Variants in DGKB observed in about 807,000 individuals in gnomAD.
DGKB encodes the protein diacylglycerol kinase beta, also known as 90 kDa diacylglycerol kinase.
In DGKB, 67 loss-of-function variants were observed where a neutral mutation model predicts 114.3. The observed-to-expected ratio is 0.59, with a 90% CI of 0.48 to 0.72. The LOEUF is 0.72. Ranked by LOEUF, DGKB falls within the 30% of genes least tolerant of loss-of-function variation. The pLI is 0.00. For missense variants in DGKB, 907 were observed against 975.2 expected (o/e 0.93, Z 0.93); for synonymous variants, 398 against 323.1 (o/e 1.23, Z -2.49).
intron 2 of DGKB, among the ~76,000 whole-genome samples, chr7:14,778,301 C>A (rs1199091065): frequency 6.6e-6 from 1 of 152,142 alleles, no homozygotes; most frequent in Non-Finnish European, 1.5e-5. Context: ...CTAAAACATT[C>A]CCTGTATGCT....
chr7:14,902,148 C>T (rs1351346538), intron 1 of DGKB, among the ~76,000 whole-genome samples: 6 of 152,110 alleles, frequency 3.9e-5, no homozygotes, highest in Non-Finnish European at 8.8e-5. Flanking sequence ...CTTTTGTTTG[C>T]TTGCTTGCTT....
chr7:14,419,367 A>G (rs930619055), intron 21 of DGKB, among the ~76,000 whole-genome samples: 14 of 151,988 alleles, frequency 9.2e-5, no homozygotes, highest in African/African-American at 3.1e-4. Flanking sequence ...GATACTTCTG[A>G]ATATTTCTTT....
chr7:14,710,224 T>G (rs1363396990), intron 6 of DGKB, among the ~76,000 whole-genome samples: 1 of 152,118 alleles, frequency 6.6e-6, no homozygotes, highest in Non-Finnish European at 1.5e-5. Context: ...TATAGAGACC[T>G]TTCAAATAGT....
chr7:14,511,432 C>A (rs955424279), intron 20 of DGKB, among the ~76,000 whole-genome samples: 5 of 152,160 alleles, frequency 3.3e-5, no homozygotes, highest in African/African-American at 1.2e-4. Flanking sequence ...CTGCAGCTTC[C>A]TCACCTCTCT....
intron 23 of DGKB, among the ~76,000 whole-genome samples, chr7:14,258,609 G>C (rs1266573233): frequency 6.6e-6 from 1 of 152,116 alleles, no homozygotes; most frequent in Non-Finnish European, 1.5e-5. Flanking sequence ...GAAAGGAATG[G>C]GAGGGAACAA....
intron 5 of DGKB, among the ~76,000 whole-genome samples, chr7:14,723,199 C>A (rs78387856): frequency 0.024 from 3,717 of 152,098 alleles, 171 homozygotes; most frequent in African/African-American, 0.084. Context: ...AAGTTGCAAG[C>A]CTGACTTCTT....
chr7:14,737,578 A>G (rs1831921803), intron 4 of DGKB, among the ~76,000 whole-genome samples: 3 of 152,116 alleles, frequency 2.0e-5, no homozygotes, highest in African/African-American at 4.8e-5. Flanking sequence ...AATTAAGTTT[A>G]CATACGATGT....
chr7:14,744,194 C>T (rs1443232596), intron 4 of DGKB, among the ~76,000 whole-genome samples: 1 of 152,100 alleles, frequency 6.6e-6, no homozygotes, highest in Non-Finnish European at 1.5e-5. Context: ...TTTCTCTTTG[C>T]CTGGTTCTTC....
chr7:14,607,723 A>C (rs1804778684), intron 16 of DGKB, among the ~76,000 whole-genome samples: 1 of 152,030 alleles, frequency 6.6e-6, no homozygotes, highest in South Asian at 2.1e-4. Flanking sequence ...GCCACTATTA[A>C]GGCAATATAG....
chr7:14,209,430 A>C (rs1446217149), intron 23 of DGKB: 8 of 471,040 alleles, frequency 1.7e-5, no homozygotes, highest in African/African-American at 1.6e-4. Context: ...TCTCCACTTC[A>C]GTAGGACAGC....
chr7:14,928,015 T>C (rs933111601), intron 1 of DGKB, among the ~76,000 whole-genome samples: 7 of 151,900 alleles, frequency 4.6e-5, no homozygotes, highest in Non-Finnish European at 7.4e-5. Context: ...TAGTGCTACA[T>C]CTAGATGACA....
rs144301017 is a variant in DGKB, at chr7:14,964,374, C to A, written c.-188+10322G>T. Among the ~76,000 whole-genome samples the A allele has an allele frequency of 4.3e-3, 660 of 152,160 alleles. 7 individuals carry two copies. Among genetic ancestry groups the A allele is most frequent in the African/African-American group, 0.015 (612 of 41,544 alleles). On this transcript the variant is annotated intron_variant, in intron 1 of 4. Transcript: ENST00000437998. Reference sequence around the variant, plus strand: ...ATAAAAATTAGCTGGGTAGATTGCACCTGTGGTCCCAGCTACTTGGGAGGC... The same window carrying A: ...ATAAAAATTAGCTGGGTAGATTGCAACTGTGGTCCCAGCTACTTGGGAGGC...
At chr7:14,814,855 T>C (rs756656866) in intron 2 of DGKB, among the ~76,000 whole-genome samples, 13 of 152,214 alleles carry the variant, frequency 8.5e-5, no homozygotes, top group Non-Finnish European at 1.5e-4. Context: ...AACAGAATTA[T>C]GCTCTTCTTC....
At chr7:14,680,528 A>G (rs1820644035) in intron 12 of DGKB, among the ~76,000 whole-genome samples, 1 of 152,010 alleles carries the variant, frequency 6.6e-6, no homozygotes, top group Non-Finnish European at 1.5e-5. Context: ...CTAGGTGTGG[A>G]TTCTGAAGTA....
At chr7:14,739,565 T>C (rs1259904961) in intron 4 of DGKB, among the ~76,000 whole-genome samples, 1 of 152,192 alleles carries the variant, frequency 6.6e-6, no homozygotes, top group African/African-American at 2.4e-5. Flanking sequence ...TTTTTCCTGA[T>C]CATGAGACAA....
intron 23 of DGKB, among the ~76,000 whole-genome samples, chr7:14,251,529 T>C (rs1463374643): frequency 6.6e-6 from 1 of 152,178 alleles, no homozygotes; most frequent in Non-Finnish European, 1.5e-5. Flanking sequence ...TTAAAAATAA[T>C]TTATATACTA....
At chr7:14,244,378 C>T (rs1220453237) in intron 23 of DGKB, among the ~76,000 whole-genome samples, 3 of 151,952 alleles carry the variant, frequency 2.0e-5, no homozygotes, top group Non-Finnish European at 4.4e-5. Flanking sequence ...GGGTGCTGGC[C>T]GGGCGCGGTG....
intron 5 of DGKB, among the ~76,000 whole-genome samples, chr7:14,721,983 G>C (rs891823937): frequency 2.0e-5 from 3 of 151,968 alleles, no homozygotes; most frequent in Non-Finnish European, 4.4e-5. Context: ...ATATCTCTCT[G>C]TGTTTCACAT....
chr7:14,952,552 A>C (rs190281742), intron 1 of DGKB, among the ~76,000 whole-genome samples: 1 of 151,760 alleles, frequency 6.6e-6, no homozygotes, highest in East Asian at 2.0e-4. Context: ...AAATTAAAAA[A>C]AAAATACAGC....
Sources: gnomAD v4.1 joint callset for allele counts (sites outside exome capture counted in the v4.1 genomes callset) on GRCh38, gnomAD v4.1.1 for gene constraint, MANE v1.5 for transcripts, NCBI Gene and HGNC (gene_info 2026-07-23, HGNC 2026-07-21) for gene names.